The following FSTL4 variants were observed in gnomAD, a reference collection of about 807,000 sequenced individuals.
The protein encoded by FSTL4 is follistatin-related protein 4.
FSTL4 carries 28 observed loss-of-function variants against 78.2 expected under a neutral mutation model. That is an observed-to-expected ratio of 0.36 (90% CI 0.27 to 0.49). The LOEUF (loss-of-function observed/expected upper bound fraction) is 0.49. Among genes scored for constraint, FSTL4 ranks in the 20% least tolerant of loss-of-function variants. The probability of loss-of-function intolerance (pLI) is 0.98; values close to 1 mark genes in which losing one functional copy is unlikely to be tolerated. For synonymous variants in FSTL4, 422 were observed against 440.5 expected, an observed-to-expected ratio of 0.96 and a Z score of 0.53; for missense variants, 922 against 1,084.9, an observed-to-expected ratio of 0.85 and a Z score of 2.11.
At chr5:133,806,382 A>C in the FSTL4 span, among the ~76,000 whole-genome samples, 5 of 152,244 alleles carry the variant, frequency 3.3e-5, no homozygotes, top group African/African-American at 9.6e-5. Context: ...AGAGGTGCTC[A>C]TAGGTAAATT....
chr5:133,806,720 G>A, the FSTL4 span, among the ~76,000 whole-genome samples: 1 of 152,222 alleles, frequency 6.6e-6, no homozygotes, highest in African/African-American at 2.4e-5. Context: ...AGAACTGCCT[G>A]AGTGCTGCTG....
At chr5:133,411,648 C>G (rs1756480108) in intron 3 of FSTL4, among the ~76,000 whole-genome samples, 1 of 152,080 alleles carries the variant, frequency 6.6e-6, no homozygotes, top group East Asian at 1.9e-4. Flanking sequence ...CTAACTGTTT[C>G]CAATTAAAAT....
At chr5:133,788,812 G>A in the FSTL4 span, among the ~76,000 whole-genome samples, 1 of 152,108 alleles carries the variant, frequency 6.6e-6, no homozygotes, top group South Asian at 2.1e-4. Flanking sequence ...AGATTTATGC[G>A]GTTTCCTCAC....
At chr5:133,662,499 G>A in the FSTL4 span, among the ~76,000 whole-genome samples, 1 of 152,142 alleles carries the variant, frequency 6.6e-6, no homozygotes, top group Non-Finnish European at 1.5e-5. Context: ...GTGGAGGGAG[G>A]AGGGAACGTG....
intron 6 of FSTL4, among the ~76,000 whole-genome samples, chr5:133,259,162 G>A (rs1440235415): frequency 6.8e-6 from 1 of 146,026 alleles, no homozygotes; most frequent in East Asian, 2.1e-4. Flanking sequence ...GCAGGGGAGG[G>A]CTATTAAGGT....
chr5:133,440,640 C>T lies in FSTL4; in HGVS notation c.161-39654G>A, dbSNP rs1257316494. Among the ~76,000 whole-genome samples, 2 of 152,198 alleles carry T rather than the reference C, an allele frequency of 1.3e-5. No homozygotes were observed. Among genetic ancestry groups the T allele is most frequent in the Non-Finnish European group, 2.9e-5 (2 of 68,036 alleles). The stretch of plus-strand genomic sequence containing the variant: ...CCTCCCTGGAGGCACAGGGTAGTGG[C>T]CTGAGTCATTCCACTGGCAGAACAC... On this transcript the variant is annotated intron_variant, in intron 3 of 15. Transcript: ENST00000265342. The surrounding 1 kb of genome is among the most constrained non-coding windows in gnomAD (Gnocchi z 4.1).
intron 2 of FSTL4, among the ~76,000 whole-genome samples, chr5:133,603,181 A>C (rs1760907126): frequency 6.6e-6 from 1 of 152,076 alleles, no homozygotes; most frequent in Admixed American, 6.6e-5. Context: ...TTGCCCATGA[A>C]CCCCAAATTC....
chr5:133,321,397 C>T (rs1033757151), intron 4 of FSTL4, among the ~76,000 whole-genome samples: 14 of 152,220 alleles, frequency 9.2e-5, no homozygotes, highest in South Asian at 6.2e-4. Context: ...CAGATCTCTC[C>T]GGACAGGGGC....
chr5:133,675,212 G>A, the FSTL4 span, among the ~76,000 whole-genome samples: 1 of 152,198 alleles, frequency 6.6e-6, no homozygotes, highest in African/African-American at 2.4e-5. Context: ...CACCAGGGCA[G>A]AAGAAACAGC....
At chr5:133,537,732 C>G (rs1348275774) in intron 3 of FSTL4, among the ~76,000 whole-genome samples, 6 of 151,628 alleles carry the variant, frequency 4.0e-5, no homozygotes, top group African/African-American at 1.5e-4. Flanking sequence ...ATCTCCTATA[C>G]TTTATCTCAG....
intron 6 of FSTL4, among the ~76,000 whole-genome samples, chr5:133,280,622 GCTC>G (rs901079411): frequency 1.9e-4 from 29 of 152,138 alleles, no homozygotes; most frequent in African/African-American, 6.5e-4. Context: ...GCCTGGTCTT[GCTC>G]CTGGTGTTTT....
At chr5:133,423,323 C>T (rs547337437) in intron 3 of FSTL4, among the ~76,000 whole-genome samples, 7 of 152,198 alleles carry the variant, frequency 4.6e-5, no homozygotes, top group Non-Finnish European at 8.8e-5. Context: ...TGCATCCAGG[C>T]GGTACCTCGT....
chr5:133,497,131 C>T lies in FSTL4; in HGVS notation c.160+70055G>A, dbSNP rs187711766. On this transcript the variant is annotated intron_variant, in intron 3 of 15. Transcript: ENST00000265342. ...GGCCCATCCTCACTGGCACTGCCCACGGTGCCCAGCTCTGAAGCAATGGGT... is the reference window on the plus strand; with the variant it reads ...GGCCCATCCTCACTGGCACTGCCCATGGTGCCCAGCTCTGAAGCAATGGGT... Among the ~76,000 whole-genome samples the T allele has an allele frequency of 8.5e-5, 13 of 152,368 alleles. No individual in the cohort carries two copies. The East Asian group carries it at 1.7e-3, about 20-fold the overall frequency.
chr5:133,399,236 T>G (rs747468276), intron 4 of FSTL4, among the ~76,000 whole-genome samples: 3 of 152,142 alleles, frequency 2.0e-5, no homozygotes, highest in African/African-American at 7.2e-5. Flanking sequence ...ACTGGTCAAG[T>G]GTTTTAGTGT....
chr5:133,541,721 T>A lies in FSTL4; in HGVS notation c.160+25465A>T, dbSNP rs1759476437. Among the ~76,000 whole-genome samples, 3 of 152,168 alleles carry A rather than the reference T, an allele frequency of 2.0e-5. No individual in the cohort carries two copies. In the South Asian group the frequency reaches 6.2e-4, roughly 32 times the overall value. ...TTGACTATTGTATCGTTTTGACAAG[T>A]CCCCATGATGTTTTGAGCGCTGCTT... On this transcript the variant is annotated intron_variant, in intron 3 of 15. Transcript: ENST00000265342.
At chr5:133,497,875 A>T (rs2112874368) in intron 3 of FSTL4, among the ~76,000 whole-genome samples, 1 of 152,298 alleles carries the variant, frequency 6.6e-6, no homozygotes, top group East Asian at 1.9e-4. Context: ...ACAGAAAGGA[A>T]ATTCGCATGA....
Position 133,503,797 on chromosome 5 carries a change from G to C in FSTL4, c.160+63389C>G, listed in dbSNP as rs73283676. Among the ~76,000 whole-genome samples, 750 of 152,294 alleles carry C rather than the reference G, an allele frequency of 4.9e-3. 4 individuals are homozygous for C. Among genetic ancestry groups the C allele is most frequent in the African/African-American group, 0.018 (728 of 41,562 alleles). On this transcript the variant is annotated intron_variant, in intron 3 of 15. Coordinates refer to ENST00000265342, the MANE Select transcript of FSTL4 (RefSeq NM_015082.2). ...CATCTAACTTAACACGTCTAAACCAGAGTCCATCATTGTATTAGTCCATTC... is the reference window on the plus strand; with the variant it reads ...CATCTAACTTAACACGTCTAAACCACAGTCCATCATTGTATTAGTCCATTC...
intron 3 of FSTL4, among the ~76,000 whole-genome samples, chr5:133,473,889 A>C (rs1455402720): frequency 2.6e-5 from 4 of 152,106 alleles, no homozygotes; most frequent in Admixed American, 2.6e-4. Flanking sequence ...GAACTCACTC[A>C]CTATCATAAG....
At chr5:133,555,567 C>T (rs532904146) in intron 3 of FSTL4, among the ~76,000 whole-genome samples, 9 of 152,202 alleles carry the variant, frequency 5.9e-5, no homozygotes, top group Admixed American at 3.9e-4. Context: ...AAAGGCACAC[C>T]GGTTACACTA....
Sources: allele counts gnomAD v4.1 joint callset (sites outside exome capture counted in the v4.1 genomes callset), GRCh38; gene constraint gnomAD v4.1.1; non-coding constraint Gnocchi (gnomAD v3.1); transcripts MANE v1.5; gene names NCBI Gene and HGNC (gene_info 2026-07-23, HGNC 2026-07-21).